The following AP1B1 variants were observed in gnomAD, a reference collection of about 807,000 sequenced individuals.
AP1B1 encodes the protein adaptor related protein complex 1 subunit beta 1, also known as AP-1 complex subunit beta-1.
A neutral mutation model predicts 104.3 loss-of-function variants in AP1B1; 36 were observed. The observed-to-expected ratio is 0.35, with a 90% CI of 0.26 to 0.46. The LOEUF is 0.46. Ranked by LOEUF, AP1B1 falls within the 20% of genes least tolerant of loss-of-function variation. The pLI is 1.00. For synonymous variants in AP1B1, 504 were observed against 517.5 expected, an observed-to-expected ratio of 0.97 and a Z score of 0.35; for missense variants, 901 against 1,247.9, an observed-to-expected ratio of 0.72 and a Z score of 4.19.
intron 3 of AP1B1, among the ~76,000 whole-genome samples, chr22:29,361,868 C>T (rs2148009070): frequency 6.6e-6 from 1 of 151,936 alleles, no homozygotes; most frequent in East Asian, 1.9e-4. Flanking sequence ...GATCTTGGCT[C>T]ACTGCAGCCT....
intron 1 of AP1B1, among the ~76,000 whole-genome samples, chr22:29,387,090 A>G (rs1049952573): frequency 1.3e-5 from 2 of 152,232 alleles, no homozygotes; most frequent in Non-Finnish European, 1.5e-5. Context: ...CAATCTTCAA[A>G]TAGTTTTCAC....
intron 1 of AP1B1, among the ~76,000 whole-genome samples, chr22:29,373,373 G>A (rs780149144): frequency 1.1e-4 from 16 of 152,180 alleles, no homozygotes; most frequent in South Asian, 4.1e-4. Context: ...ATGAAAGCAC[G>A]TTGACAAGAA....
At chr22:29,365,838 C>G (rs2062127074) in intron 2 of AP1B1, among the ~76,000 whole-genome samples, 1 of 151,670 alleles carries the variant, frequency 6.6e-6, no homozygotes, top group Admixed American at 6.6e-5. Flanking sequence ...CAGCTCCACC[C>G]AGAGCTCTCC....
chr22:29,385,564 G>T lies in AP1B1; in HGVS notation c.-28+2860C>A, dbSNP rs375100432. Among the ~76,000 whole-genome samples, 19 of 152,244 alleles carry T rather than the reference G, an allele frequency of 1.2e-4. No homozygotes were observed. The East Asian group carries it at 3.5e-3, about 28-fold the overall frequency. ...TGAGTTTTAGCCCGAGGGCAACTAGGAGCCACTGATGAATTTTCAAGCAGA... is the reference window on the plus strand; with the variant it reads ...TGAGTTTTAGCCCGAGGGCAACTAGTAGCCACTGATGAATTTTCAAGCAGA... On this transcript the variant is annotated intron_variant, in intron 1 of 22. Coordinates refer to ENST00000357586, the MANE Select transcript of AP1B1 (RefSeq NM_001127.4).
At position 29,388,442 on chromosome 22, in the gene AP1B1, C is replaced by G. The variant is rs2062570005; in HGVS notation, c.-46G>C. On this transcript the variant is annotated 5_prime_UTR_variant, in exon 1 of 23. Transcript: ENST00000357586. ...TCCTCACCCGCAGGTCCCAATAGCT[C>G]CCGGCGCCCCGGCTCGGTTCGGCTT... 3 of 152,408 alleles carry G rather than the reference C, an allele frequency of 2.0e-5. No homozygotes were observed. Among genetic ancestry groups the G allele is most frequent in the Admixed American group, 2.0e-4 (3 of 15,292 alleles). The allele number at this position is 152,408 out of a possible 1,614,324, so 9.4% of individuals were successfully genotyped here. A position where few individuals can be genotyped will look rare whatever the true frequency, so the allele number is the denominator to read the frequency against.
intron 3 of AP1B1, 97 bp downstream of exon 3, chr22:29,362,904 C>A (rs909372338): frequency 1.1e-5 from 8 of 698,242 alleles, no homozygotes; most frequent in Non-Finnish European, 2.1e-5. Context: ...AGACATGGGT[C>A]CCTAGACACC....
chr22:29,377,527 G>C (rs932995542), intron 1 of AP1B1, among the ~76,000 whole-genome samples: 3 of 152,090 alleles, frequency 2.0e-5, no homozygotes, highest in African/African-American at 7.2e-5. Context: ...GTTAGTCCTC[G>C]TGGAAAGGCG....
At chr22:29,331,375 AAGGCACC>A (rs2061554598) in intron 19 of AP1B1, 67 bp downstream of exon 19, 1 of 1,447,902 alleles carries the variant, frequency 6.9e-7, no homozygotes, top group Non-Finnish European at 9.7e-7. Context: ...GACCTTGGTA[AAGGCACC>A]ACCTTGGCCA....
chr22:29,341,319 G>A (rs556018554), intron 13 of AP1B1, among the ~76,000 whole-genome samples, 182 bp downstream of exon 13: 9 of 152,368 alleles, frequency 5.9e-5, no homozygotes, highest in Admixed American at 4.6e-4. Context: ...CAGCACTGTC[G>A]TTAGGCTGGA....
intron 1 of AP1B1, among the ~76,000 whole-genome samples, chr22:29,372,272 A>T (rs1380560326): frequency 6.6e-6 from 1 of 151,924 alleles, no homozygotes; most frequent in Non-Finnish European, 1.5e-5. Flanking sequence ...AAAATACAAA[A>T]AATTAGCCGG....
At chr22:29,382,948 A>G (rs1347279173) in intron 1 of AP1B1, among the ~76,000 whole-genome samples, 2 of 152,148 alleles carry the variant, frequency 1.3e-5, no homozygotes, top group Non-Finnish European at 2.9e-5. Flanking sequence ...ATATTTTAAT[A>G]AGTTCTGGCT....
intron 3 of AP1B1, among the ~76,000 whole-genome samples, chr22:29,362,581 G>A (rs901941544): frequency 6.6e-6 from 1 of 152,038 alleles, no homozygotes; most frequent in African/African-American, 2.4e-5. Context: ...TCCTGACCTC[G>A]AGATCCGCCC....
rs1034573813 is a variant in AP1B1, at chr22:29,328,185, T to C, written c.*636A>G. On this transcript the variant is annotated 3_prime_UTR_variant, in exon 23 of 23. Transcript: ENST00000357586. This position sits in a 1 kb window ranked among gnomAD's most constrained non-coding sequence, Gnocchi z 4.1. ...AGGGGCTCTGGGAGCTTCTGCCTGG[T>C]CTTGACCATGTGGGTCAGCACTCGG... The C allele has an allele frequency of 2.0e-5, 3 of 152,820 alleles. No individual in the cohort carries two copies. The highest frequency in any genetic ancestry group is 2.9e-5 in the Non-Finnish European group (2 of 68,236). The allele number at this position is 152,820 out of a possible 1,614,324, so 9.5% of individuals were successfully genotyped here.
intron 1 of AP1B1, among the ~76,000 whole-genome samples, chr22:29,375,620 TA>T (rs2062327042): frequency 2.0e-5 from 3 of 152,122 alleles, no homozygotes; most frequent in Non-Finnish European, 4.4e-5. Context: ...ACTGGGAACA[TA>T]AGGCTTTGCA....
intron 1 of AP1B1, among the ~76,000 whole-genome samples, chr22:29,385,680 A>G (rs1356115660): frequency 6.6e-6 from 1 of 152,214 alleles, no homozygotes; most frequent in African/African-American, 2.4e-5. Flanking sequence ...GAACAGAAAA[A>G]TCACTTCTGG....
intron 6 of AP1B1, 31 bp from the exon 7 acceptor site, chr22:29,354,902 A>C (rs1158252282): frequency 9.5e-6 from 15 of 1,575,434 alleles, no homozygotes; most frequent in Non-Finnish European, 1.1e-5. Flanking sequence ...CGGGGCAAAC[A>C]GGAAAGACAA....
intron 22 of AP1B1, 157 bp from the exon 23 acceptor site, chr22:29,329,052 A>C: frequency 7.0e-7 from 1 of 1,437,474 alleles, no homozygotes; most frequent in Non-Finnish European, 9.1e-7. Context: ...GGTAAAGCGG[A>C]GGGGGCGGCT....
At chr22:29,375,326 C>T (rs769942358) in intron 1 of AP1B1, among the ~76,000 whole-genome samples, 11 of 122,210 alleles carry the variant, frequency 9.0e-5, no homozygotes, top group African/African-American at 1.3e-4. Flanking sequence ...CTCCAGCCTG[C>T]GTGACAGAGT....
intron 16 of AP1B1, among the ~76,000 whole-genome samples, chr22:29,336,713 A>G (rs1278081713): frequency 6.6e-6 from 1 of 151,534 alleles, no homozygotes; most frequent in Non-Finnish European, 1.5e-5. Flanking sequence ...CTGAGGCAGA[A>G]GAATCGCTTG....
Sources: gnomAD v4.1 joint callset for allele counts (sites outside exome capture counted in the v4.1 genomes callset) on GRCh38, gnomAD v4.1.1 for gene constraint, Gnocchi (gnomAD v3.1) non-coding constraint, MANE v1.5 for transcripts, NCBI Gene and HGNC (gene_info 2026-07-23, HGNC 2026-07-21) for gene names.